The following GRIK2 variants were observed in gnomAD, a reference collection of about 807,000 sequenced individuals.
The protein encoded by GRIK2 is glutamate receptor ionotropic, kainate 2.
A neutral mutation model predicts 100.3 loss-of-function variants in GRIK2; 32 were observed. That is an observed-to-expected ratio of 0.32 (90% confidence interval 0.24 to 0.43). The LOEUF is 0.43. Ranked by LOEUF, GRIK2 falls within the 20% of genes least tolerant of loss-of-function variation. GRIK2 has a pLI of 1.00. For missense variants in GRIK2, 843 were observed against 1,114.9 expected (o/e 0.76, Z 3.47); for synonymous variants, 417 against 389.4 (o/e 1.07, Z -0.83).
intron 4 of GRIK2, among the ~76,000 whole-genome samples, chr6:101,675,864 A>G (rs1330398282): frequency 6.6e-6 from 1 of 152,182 alleles, no homozygotes; most frequent in Non-Finnish European, 1.5e-5. Flanking sequence ...GGTTCAGGCT[A>G]TTTAAAATCT....
chr6:101,447,401 AAAATAGAGAGCTCT>A (rs1170836377), intron 2 of GRIK2, among the ~76,000 whole-genome samples: 1 of 151,756 alleles, frequency 6.6e-6, no homozygotes, highest in Non-Finnish European at 1.5e-5. Context: ...ATCGGTTTCA[AAAATAGAGAGCTCT>A]ATATTTGCTT....
intron 2 of GRIK2, among the ~76,000 whole-genome samples, chr6:101,433,106 GAGAAAATCCC>G (rs1007600483): frequency 2.0e-5 from 3 of 152,210 alleles, no homozygotes; most frequent in South Asian, 2.1e-4. Flanking sequence ...AAAATCCCAA[GAGAAAATCCC>G]AGAAAATCCC....
At chr6:101,771,640 G>T (rs965563455) in intron 7 of GRIK2, among the ~76,000 whole-genome samples, 7 of 150,926 alleles carry the variant, frequency 4.6e-5, no homozygotes, top group African/African-American at 1.7e-4. Context: ...CCATTAACTT[G>T]TCATTTACAT....
intron 14 of GRIK2, among the ~76,000 whole-genome samples, chr6:101,937,164 A>T (rs1017009156): frequency 6.6e-6 from 1 of 152,126 alleles, no homozygotes; most frequent in African/African-American, 2.4e-5. Context: ...GAAGTGTAAA[A>T]TCTGAGAAAC....
intron 9 of GRIK2, among the ~76,000 whole-genome samples, chr6:101,816,314 A>G (rs1781626268): frequency 6.6e-6 from 1 of 152,312 alleles, no homozygotes; most frequent in African/African-American, 2.4e-5. Context: ...TAGAAAAGTG[A>G]CAGTCATTCA....
At chr6:101,425,350 C>A (rs73761326) in intron 2 of GRIK2, among the ~76,000 whole-genome samples, 4,002 of 152,238 alleles carry the variant, frequency 0.026, 194 homozygotes, top group African/African-American at 0.092. Flanking sequence ...AGTCATACTA[C>A]TGTTGACTAG....
chr6:101,702,194 A>G (rs992191444), intron 7 of GRIK2, among the ~76,000 whole-genome samples: 3 of 152,084 alleles, frequency 2.0e-5, no homozygotes, highest in African/African-American at 7.2e-5. Context: ...CATGAAAAAA[A>G]TTGATAAAGG....
At chr6:101,830,661 A>G (rs1464206069) in intron 10 of GRIK2, among the ~76,000 whole-genome samples, 1 of 151,888 alleles carries the variant, frequency 6.6e-6, no homozygotes, top group Non-Finnish European at 1.5e-5. Context: ...CCACAGTGAG[A>G]TGCCATCTCA....
chr6:101,556,016 C>T (rs1258401524), intron 2 of GRIK2, among the ~76,000 whole-genome samples: 4 of 152,002 alleles, frequency 2.6e-5, no homozygotes, highest in Admixed American at 6.6e-5. Flanking sequence ...TAATTTATTA[C>T]AATCTTTAAT....
intron 11 of GRIK2, among the ~76,000 whole-genome samples, chr6:101,878,213 CAT>C (rs1463277735): frequency 6.6e-6 from 1 of 150,456 alleles, no homozygotes; most frequent in Non-Finnish European, 1.5e-5. Flanking sequence ...TAAATGAAAA[CAT>C]AAACTCAGGC....
chr6:101,818,964 A>G (rs1394269602), intron 10 of GRIK2, among the ~76,000 whole-genome samples: 2 of 152,056 alleles, frequency 1.3e-5, no homozygotes, highest in East Asian at 3.9e-4. Flanking sequence ...TGGAAAATTA[A>G]TTTTACTTTA....
chr6:101,957,418 C>T (rs1792007387), intron 14 of GRIK2, among the ~76,000 whole-genome samples: 1 of 150,968 alleles, frequency 6.6e-6, no homozygotes, highest in Non-Finnish European at 1.5e-5. Flanking sequence ...AGTTTTCAAA[C>T]ATTTTCTTCC....
At chr6:102,063,161 G>C (rs927422301) in intron 16 of GRIK2, among the ~76,000 whole-genome samples, 4 of 150,638 alleles carry the variant, frequency 2.7e-5, no homozygotes, top group African/African-American at 7.3e-5. Context: ...GTATCTTATA[G>C]ATACCATTGA....
At chr6:101,893,019 T>A (rs1194402850) in intron 12 of GRIK2, among the ~76,000 whole-genome samples, 1 of 151,310 alleles carries the variant, frequency 6.6e-6, no homozygotes, top group East Asian at 1.9e-4. Context: ...GTTTGTGACA[T>A]GCAAAGGCAA....
At chr6:102,044,801 C>T (rs549312763) in intron 15 of GRIK2, among the ~76,000 whole-genome samples, 55 of 151,876 alleles carry the variant, frequency 3.6e-4, no homozygotes, top group Non-Finnish European at 7.8e-4. Flanking sequence ...CCTGAGTTTA[C>T]CTTTTTTCAC....
intron 7 of GRIK2, among the ~76,000 whole-genome samples, chr6:101,763,756 G>A (rs1460303210): frequency 6.6e-6 from 1 of 152,084 alleles, no homozygotes; most frequent in Non-Finnish European, 1.5e-5. Flanking sequence ...TAGTTTCATA[G>A]GTGTGTGATC....
intron 14 of GRIK2, among the ~76,000 whole-genome samples, chr6:102,024,503 T>C (rs1476242008): frequency 6.6e-6 from 1 of 151,206 alleles, no homozygotes; most frequent in Non-Finnish European, 1.5e-5. Flanking sequence ...AGGAAATGAA[T>C]AGAAGACTGT....
chr6:101,676,772 A>G lies in GRIK2; in HGVS notation c.691A>G (p.Ser231Gly), dbSNP rs1159334808. The G allele has an allele frequency of 1.2e-6, 2 of 1,606,116 alleles. No individual in the cohort carries two copies. Among genetic ancestry groups the G allele is most frequent in the Non-Finnish European group, 1.7e-6 (2 of 1,176,434 alleles). Residue 231 changes from serine (S) to glycine (G), a missense_variant, in exon 5 of 17, where the codon AGC becomes GGC. Around this residue, in one of 3 missense-constraint regions of GRIK2, gnomAD observed 519 missense variants for 643.8 expected, o/e 0.81. Transcript: ENST00000369134. ...GGAGTTTCATGTAATCTTTGATTGTAGCCATGAAATGGCAGCAGGCATTTT... is the reference window on the plus strand; with the variant it reads ...GGAGTTTCATGTAATCTTTGATTGTGGCCATGAAATGGCAGCAGGCATTTT... ...GKEFHVIFDC[S>G]HEMAAGILKQ...
intron 2 of GRIK2, among the ~76,000 whole-genome samples, chr6:101,452,912 T>C (rs1236990511): frequency 6.6e-6 from 1 of 151,866 alleles, no homozygotes; most frequent in Non-Finnish European, 1.5e-5. Context: ...ATTCAAACCA[T>C]GTGATTAATG....
Sources: allele counts gnomAD v4.1 joint callset (sites outside exome capture counted in the v4.1 genomes callset), GRCh38; gene constraint gnomAD v4.1.1; regional missense constraint gnomAD v4.1.1; transcripts MANE v1.5; gene names NCBI Gene and HGNC (gene_info 2026-07-23, HGNC 2026-07-21).